Variants in CPQ observed in about 807,000 individuals in gnomAD.
CPQ encodes the protein Ser-Met dipeptidase.
In CPQ, 37 loss-of-function variants were observed where a neutral mutation model predicts 45.7. The observed-to-expected ratio is 0.81, with a 90% CI of 0.62 to 1.07. CPQ has a LOEUF of 1.07. Ranked by LOEUF, CPQ falls within the 50% of genes least tolerant of loss-of-function variation. The probability of loss-of-function intolerance (pLI) is 0.00; values close to 1 mark genes in which losing one functional copy is unlikely to be tolerated. For synonymous variants in CPQ, 186 were observed against 205.8 expected, an observed-to-expected ratio of 0.90 and a Z score of 0.82; for missense variants, 537 against 572.9, an observed-to-expected ratio of 0.94 and a Z score of 0.64.
intron 1 of CPQ, among the ~76,000 whole-genome samples, chr8:96,755,433 C>T (rs1005451150): frequency 2.6e-5 from 4 of 151,730 alleles, no homozygotes; most frequent in African/African-American, 4.8e-5. Context: ...AAATTTCTCA[C>T]TTGATACAAT....
chr8:96,897,575 T>G (rs2130894124), intron 4 of CPQ, among the ~76,000 whole-genome samples: 1 of 152,324 alleles, frequency 6.6e-6, no homozygotes, highest in African/African-American at 2.4e-5. Flanking sequence ...AATTGTTTCA[T>G]GTACAAAATA....
chr8:96,709,204 A>G lies in CPQ; in HGVS notation c.-35+63802A>G, dbSNP rs566380277. 1.6e-4 allele frequency among the ~76,000 whole-genome samples: 24 copies of G among 152,254 alleles called. No individual in the cohort carries two copies. In the East Asian group the frequency reaches 4.2e-3, roughly 27 times the overall value. On this transcript the variant is annotated intron_variant, in intron 1 of 7. Coordinates refer to ENST00000220763, the MANE Select transcript of CPQ (RefSeq NM_016134.4). ...ACGATTCTAGTGTACCTGTCCCTGG[A>G]CATTGTACCCAATATGTGGTTTTTT...
intron 4 of CPQ, among the ~76,000 whole-genome samples, chr8:96,961,012 C>G (rs1264882301): frequency 1.3e-5 from 2 of 152,028 alleles, no homozygotes; most frequent in African/African-American, 4.8e-5. Context: ...TCTGTATGAC[C>G]GTTTTGGTCC....
chr8:96,834,761 TTA>T (rs768231890), intron 2 of CPQ, among the ~76,000 whole-genome samples: 2 of 152,310 alleles, frequency 1.3e-5, no homozygotes, highest in South Asian at 2.1e-4. Context: ...CTTATGATTT[TTA>T]TGTTATATTA....
intron 2 of CPQ, among the ~76,000 whole-genome samples, chr8:96,801,288 T>A (rs563778511): frequency 7.2e-5 from 11 of 152,186 alleles, no homozygotes; most frequent in African/African-American, 2.2e-4. Flanking sequence ...AATCTGATCT[T>A]AAAAACAAAA....
At chr8:97,104,001 AC>A (rs747085013) in intron 7 of CPQ, among the ~76,000 whole-genome samples, 2 of 152,152 alleles carry the variant, frequency 1.3e-5, no homozygotes, top group Non-Finnish European at 2.9e-5. Context: ...TAAATGGGGT[AC>A]TAGAAAGGCC....
intron 1 of CPQ, among the ~76,000 whole-genome samples, chr8:96,688,759 A>T (rs946698130): frequency 1.3e-5 from 2 of 152,032 alleles, no homozygotes; most frequent in Non-Finnish European, 2.9e-5. Flanking sequence ...ATCTCTTTTG[A>T]TTGCTAGTAT....
chr8:96,807,855 A>AC (rs1216159379), intron 2 of CPQ, among the ~76,000 whole-genome samples: 7 of 152,168 alleles, frequency 4.6e-5, no homozygotes, highest in African/African-American at 1.7e-4. Flanking sequence ...AAAACAAAGT[A>AC]CTGTATATCT....
At chr8:96,940,571 G>A (rs2130322664) in intron 4 of CPQ, among the ~76,000 whole-genome samples, 1 of 152,282 alleles carries the variant, frequency 6.6e-6, no homozygotes, top group East Asian at 1.9e-4. Flanking sequence ...CCTGCAAATG[G>A]GATGATGAGG....
At chr8:96,888,301 T>C (rs933100855) in intron 4 of CPQ, among the ~76,000 whole-genome samples, 8 of 152,128 alleles carry the variant, frequency 5.3e-5, no homozygotes, top group Non-Finnish European at 7.4e-5. Context: ...TTGGTTCTGG[T>C]TTTATTTCTG....
rs116342860 is a variant in CPQ, at chr8:96,874,958, A to G, written c.642-4840A>G. 7.8e-3 allele frequency among the ~76,000 whole-genome samples: 1,179 copies of G among 151,992 alleles called. 8 individuals are homozygous for G. The highest frequency in any genetic ancestry group is 0.024 in the African/African-American group (989 of 41,564). ...CTATGCCATTTCACATGCAATGTAC[A>G]AGGATTCAAATTTCTCCACATCCTC... On this transcript the variant is annotated intron_variant, in intron 3 of 7. Transcript: ENST00000220763.
At chr8:96,683,972 G>A (rs183267962) in intron 1 of CPQ, among the ~76,000 whole-genome samples, 1 of 152,062 alleles carries the variant, frequency 6.6e-6, no homozygotes, top group East Asian at 1.9e-4. Flanking sequence ...ATTTATCTGT[G>A]TTTTCTTGTA....
At chr8:97,074,684 T>C (rs892160890) in intron 7 of CPQ, among the ~76,000 whole-genome samples, 1 of 152,058 alleles carries the variant, frequency 6.6e-6, no homozygotes, top group African/African-American at 2.4e-5. Context: ...GGCAGGAGAA[T>C]CGCTTGAATC....
intron 7 of CPQ, among the ~76,000 whole-genome samples, chr8:97,136,854 A>G (rs1431171768): frequency 6.6e-6 from 1 of 152,184 alleles, no homozygotes; most frequent in Admixed American, 6.5e-5. Context: ...AGAAGATCCT[A>G]TGCAATTTAT....
intron 5 of CPQ, among the ~76,000 whole-genome samples, chr8:96,985,065 A>G (rs1813989200): frequency 6.6e-6 from 1 of 152,154 alleles, no homozygotes; most frequent in African/African-American, 2.4e-5. Flanking sequence ...GTTGAATGTG[A>G]AATTGTAGAT....
intron 7 of CPQ, among the ~76,000 whole-genome samples, chr8:97,136,722 C>T (rs995348451): frequency 5.9e-5 from 9 of 152,164 alleles, no homozygotes; most frequent in African/African-American, 2.2e-4. Flanking sequence ...GTGAAACTGC[C>T]CTAATAATGC....
chr8:96,986,553 T>C (rs1211759168), intron 5 of CPQ, among the ~76,000 whole-genome samples: 1 of 152,134 alleles, frequency 6.6e-6, no homozygotes, highest in Non-Finnish European at 1.5e-5. Flanking sequence ...ATCTCTATTT[T>C]CAAATCTAAG....
chr8:96,942,385 A>G (rs1813136076), intron 4 of CPQ, among the ~76,000 whole-genome samples: 1 of 152,170 alleles, frequency 6.6e-6, no homozygotes, highest in South Asian at 2.1e-4. Flanking sequence ...CTTGGAGCGA[A>G]GTTTTCAGGG....
intron 1 of CPQ, among the ~76,000 whole-genome samples, chr8:96,667,726 T>G (rs1586351163): frequency 6.6e-6 from 1 of 152,282 alleles, no homozygotes; most frequent in East Asian, 1.9e-4. Flanking sequence ...CTTTCTATAT[T>G]GTTCCCAACC....
Sources: gnomAD v4.1 joint callset for allele counts (sites outside exome capture counted in the v4.1 genomes callset) on GRCh38, gnomAD v4.1.1 for gene constraint, MANE v1.5 for transcripts, NCBI Gene and HGNC (gene_info 2026-07-23, HGNC 2026-07-21) for gene names.